Variants in BRF1 observed in about 807,000 individuals in gnomAD.
The protein encoded by BRF1 is transcription factor IIIB 90 kDa subunit.
BRF1 carries 59 observed loss-of-function variants against 81.7 expected under a neutral mutation model. That is an observed-to-expected ratio of 0.72 (90% CI 0.59 to 0.90). BRF1 has a LOEUF of 0.90. BRF1 is among the 40% of genes least tolerant of loss of function. The pLI is 0.00. For synonymous variants in BRF1, 491 were observed against 395.6 expected (o/e 1.24, Z -2.86); for missense variants, 1,050 against 936.3 (o/e 1.12, Z -1.58).
rs754041391 is a variant in BRF1 at position 105,210,500 on chromosome 14, G to C, written c.*51C>G. On this transcript the variant is annotated 3_prime_UTR_variant, in exon 18 of 18. Coordinates refer to ENST00000547530, the MANE Select transcript of BRF1 (RefSeq NM_001519.4). This position sits in a 1 kb window ranked among gnomAD's most constrained non-coding sequence, Gnocchi z 4.7. ...GTCCTGGAAGCCCGTCTGATGCTGA[G>C]GAGACCCGCGAGGCCCCCTGCCAGG... is the stretch of plus-strand genomic sequence containing the variant. 6.2e-7 allele frequency: 1 copy of C among 1,601,704 alleles called. No homozygotes were observed. Among genetic ancestry groups the C allele is most frequent in the African/African-American group, 1.3e-5 (1 of 74,790 alleles).
At chr14:105,301,636 C>G (rs1595506517), upstream of BRF1, among the ~76,000 whole-genome samples, 1 of 152,270 alleles carries the variant, frequency 6.6e-6, no homozygotes, top group African/African-American at 2.4e-5. Flanking sequence ...TCCAGAGCCT[C>G]CCCGTGCGCC....
At chr14:105,219,802 T>C (rs997211872) in intron 12 of BRF1, 10 of 554,392 alleles carry the variant, frequency 1.8e-5, no homozygotes, top group Middle Eastern at 5.0e-4. Flanking sequence ...GTGCGATGTG[T>C]GCCTGCTGCA....
intron 2 of BRF1, among the ~76,000 whole-genome samples, chr14:105,275,698 G>C (rs587705980): frequency 1.3e-5 from 2 of 152,380 alleles, no homozygotes; most frequent in African/African-American, 4.8e-5. Flanking sequence ...GCACCAGCTC[G>C]TGTTCCCAGC....
At chr14:105,222,343 C>T (rs1322975743) in intron 10 of BRF1, 8 of 160,820 alleles carry the variant, frequency 5.0e-5, no homozygotes, top group Non-Finnish European at 1.1e-4. Flanking sequence ...GGACTTAAAT[C>T]TAGAACAGAT....
At chr14:105,211,058 T>C in intron 17 of BRF1, 64 bp downstream of exon 17, 1 of 1,582,878 alleles carries the variant, frequency 6.3e-7, no homozygotes. Flanking sequence ...TCAGGGATCA[T>C]GAGGGGCAGT....
At chr14:105,277,668 G>A (rs1009066685) in intron 2 of BRF1, among the ~76,000 whole-genome samples, 7 of 152,230 alleles carry the variant, frequency 4.6e-5, no homozygotes, top group Admixed American at 3.3e-4. Context: ...CTGCTGTTTT[G>A]CCTTTCTGGT....
At chr14:105,244,918 A>G (rs143443542) in intron 5 of BRF1, among the ~76,000 whole-genome samples, 1 of 151,968 alleles carries the variant, frequency 6.6e-6, no homozygotes, top group African/African-American at 2.4e-5. Flanking sequence ...AGGTAACAGC[A>G]CATAGGACAT....
At position 105,217,815 on chromosome 14, in the gene BRF1, G is replaced by A. The variant is rs757330056; in HGVS notation, c.1516-15C>T. 6.2e-6 allele frequency: 10 copies of A among 1,606,930 alleles called. No homozygotes were observed. The Admixed American group carries it at 6.7e-5, about 11-fold the overall frequency. ...GACTTCTTGGGCTTGAGGGAAACAA[G>A]CAAGAATGCCTCCCGTGAGTCACGC... On this transcript the variant is annotated splice_polypyrimidine_tract_variant and intron_variant, in intron 14 of 17. Coordinates refer to ENST00000547530, the MANE Select transcript of BRF1 (RefSeq NM_001519.4).
chr14:105,273,603 C>T (rs1015995960), intron 2 of BRF1, among the ~76,000 whole-genome samples: 1 of 152,338 alleles, frequency 6.6e-6, no homozygotes, highest in African/African-American at 2.4e-5. Flanking sequence ...GCCCCAGCCA[C>T]TTTGCCCCAA....
At position 105,271,719 on chromosome 14, in the gene BRF1, G is replaced by A. The variant is rs2056664043; in HGVS notation, c.439+1002C>T. The stretch of plus-strand genomic sequence containing the variant: ...AGGCCGAAGGCAGCTCCTGACCCAT[G>A]TGTGTGTCTGCAGATGGCAGCAGTG... On this transcript the variant is annotated intron_variant, in intron 3 of 17. Coordinates refer to ENST00000547530, the MANE Select transcript of BRF1 (RefSeq NM_001519.4). The surrounding 1 kb of genome is among the most constrained non-coding windows in gnomAD (Gnocchi z 5.5). 6.6e-6 allele frequency among the ~76,000 whole-genome samples: 1 copy of A among 152,236 alleles called. No homozygotes were observed. Among genetic ancestry groups the A allele is most frequent in the Non-Finnish European group, 1.5e-5 (1 of 68,040 alleles).
At position 105,209,851 on chromosome 14, in the gene BRF1, A is replaced by C; in HGVS notation, c.*700T>G. The C allele has an allele frequency of 2.1e-6, 1 of 477,254 alleles. No homozygotes were observed. The highest frequency in any genetic ancestry group is 3.7e-6 in the Non-Finnish European group (1 of 271,434). 29.6% of individuals were successfully genotyped at this position (477,254 alleles called of 1,614,324 possible). A position where few individuals can be genotyped will look rare whatever the true frequency, so the allele number is the denominator to read the frequency against. ...CGCAGGGCTCCTGGGCCCACAACTC[A>C]AGTGGCCCTGGAGCAGGGGTCTGAC... On this transcript the variant is annotated 3_prime_UTR_variant, in exon 18 of 18. Coordinates refer to ENST00000547530, the MANE Select transcript of BRF1 (RefSeq NM_001519.4).
chr14:105,310,864 C>T (rs1301518224), intron 1 of BRF1, among the ~76,000 whole-genome samples: 2 of 152,196 alleles, frequency 1.3e-5, no homozygotes, highest in East Asian at 3.8e-4. Flanking sequence ...TGTATCCTAT[C>T]AATATTTTTC....
Position 105,248,429 on chromosome 14 carries a change from G to C in BRF1, c.544+4078C>G, listed in dbSNP as rs749722590. The C allele has an allele frequency of 4.6e-5, 45 of 985,330 alleles. 1 individual carries two copies. In the Middle Eastern group the frequency reaches 4.7e-3, roughly 103 times the overall value. 61.0% of individuals were successfully genotyped at this position (985,330 alleles called of 1,614,324 possible). A position where few individuals can be genotyped will look rare whatever the true frequency, so the allele number is the denominator to read the frequency against. On this transcript the variant is annotated intron_variant, in intron 5 of 17. Transcript: ENST00000547530. Reference sequence around the variant, plus strand: ...TTCCACGGCTACCTCTGCACAGCGCGCGGCTCGCGCCGGTTGCTGGGCAGA... The same window carrying C: ...TTCCACGGCTACCTCTGCACAGCGCCCGGCTCGCGCCGGTTGCTGGGCAGA...
intron 1 of BRF1, among the ~76,000 whole-genome samples, chr14:105,287,676 C>T (rs1396302525): frequency 6.6e-6 from 1 of 152,178 alleles, no homozygotes; most frequent in Non-Finnish European, 1.5e-5. Flanking sequence ...GGGGCAGCCA[C>T]CAGCACAGAC....
At chr14:105,298,545 T>A (rs1457127408) in intron 1 of BRF1, among the ~76,000 whole-genome samples, 1 of 152,156 alleles carries the variant, frequency 6.6e-6, no homozygotes, top group African/African-American at 2.4e-5. Flanking sequence ...GCACACCTTA[T>A]ACAAAACATA....
intron 4 of BRF1, among the ~76,000 whole-genome samples, chr14:105,255,848 C>T (rs991073995): frequency 2.6e-5 from 4 of 152,146 alleles, no homozygotes; most frequent in African/African-American, 4.8e-5. Context: ...TGCAAGAGGC[C>T]AGGTATGGTT....
intron 1 of BRF1, among the ~76,000 whole-genome samples, chr14:105,299,727 C>G (rs587745442): frequency 1.3e-5 from 2 of 152,292 alleles, no homozygotes; most frequent in Admixed American, 6.5e-5. Flanking sequence ...TTAGAACAAC[C>G]GAAATAAAAA....
At chr14:105,216,422 C>CTACGCAT (rs1891317661) in intron 15 of BRF1, among the ~76,000 whole-genome samples, 1 of 152,140 alleles carries the variant, frequency 6.6e-6, no homozygotes, top group African/African-American at 2.4e-5. Flanking sequence ...CACTGACCTC[C>CTACGCAT]TACGCATGCC....
chr14:105,219,245 AG>A lies in BRF1; in HGVS notation c.1378-14del. The A allele has an allele frequency of 6.2e-7, 1 of 1,609,432 alleles. No homozygotes were observed. The highest frequency in any genetic ancestry group is 8.5e-7 in the Non-Finnish European group (1 of 1,176,462). ...CATTCAGGATGTACTGGGCGAGCACAGGGAAGTGGGGCTGGCTTTTAGCCTT... is the reference window on the plus strand; with the variant it reads ...CATTCAGGATGTACTGGGCGAGCACAGGAAGTGGGGCTGGCTTTTAGCCTT... On this transcript the variant is annotated splice_polypyrimidine_tract_variant and intron_variant, in intron 12 of 17. Transcript: ENST00000547530.
Sources: allele counts gnomAD v4.1 joint callset (sites outside exome capture counted in the v4.1 genomes callset), GRCh38; gene constraint gnomAD v4.1.1; non-coding constraint Gnocchi (gnomAD v3.1); transcripts MANE v1.5; gene names NCBI Gene and HGNC (gene_info 2026-07-23, HGNC 2026-07-21).